The following VEZT variants were observed in gnomAD, a reference collection of about 807,000 sequenced individuals.
VEZT encodes the protein vezatin, adherens junctions transmembrane protein, also known as vezatin.
In VEZT, 39 loss-of-function variants were observed where a neutral mutation model predicts 79.9. The observed-to-expected ratio is 0.49, with a 90% CI of 0.38 to 0.64. VEZT has a LOEUF of 0.64. Ranked by LOEUF, VEZT falls within the 30% of genes least tolerant of loss-of-function variation. The pLI is 0.00. For missense variants in VEZT, 837 were observed against 893.1 expected (o/e 0.94, Z 0.80); for synonymous variants, 325 against 327.6 (o/e 0.99, Z 0.09).
chr12:95,232,336 A>C (rs1358884633), intron 1 of VEZT, among the ~76,000 whole-genome samples: 2 of 152,244 alleles, frequency 1.3e-5, no homozygotes, highest in East Asian at 3.8e-4. Flanking sequence ...TATGTAATTT[A>C]CATGGTAGTA....
chr12:95,264,321 A>G (rs1368400532), intron 4 of VEZT, among the ~76,000 whole-genome samples: 1 of 152,246 alleles, frequency 6.6e-6, no homozygotes, highest in Non-Finnish European at 1.5e-5. Flanking sequence ...TATGAGACCT[A>G]TAAATGATTT....
At chr12:95,261,834 T>C (rs1283891981) in intron 3 of VEZT, among the ~76,000 whole-genome samples, 2 of 152,232 alleles carry the variant, frequency 1.3e-5, no homozygotes, top group Non-Finnish European at 2.9e-5. Context: ...AGTTACTTAA[T>C]CTCTTTGGGC....
intron 10 of VEZT, 22 bp from the exon 11 acceptor site, chr12:95,296,028 CT>C: frequency 6.7e-7 from 1 of 1,492,154 alleles, no homozygotes; most frequent in Middle Eastern, 2.1e-4. Flanking sequence ...AAGTAAAGTG[CT>C]TTTTCTTCTA....
intron 1 of VEZT, among the ~76,000 whole-genome samples, chr12:95,236,041 A>C (rs1416300693): frequency 1.3e-5 from 2 of 152,120 alleles, no homozygotes; most frequent in Non-Finnish European, 2.9e-5. Context: ...CAGAGGCTGC[A>C]ATCTCGGCAC....
At chr12:95,245,888 A>C (rs909559772) in intron 1 of VEZT, among the ~76,000 whole-genome samples, 1 of 152,174 alleles carries the variant, frequency 6.6e-6, no homozygotes, top group Non-Finnish European at 1.5e-5. Flanking sequence ...CTGAGGTGGG[A>C]AGATTGCTTG....
At chr12:95,279,146 G>C (rs2068446444) in intron 7 of VEZT, among the ~76,000 whole-genome samples, 1 of 152,256 alleles carries the variant, frequency 6.6e-6, no homozygotes, top group Non-Finnish European at 1.5e-5. Context: ...TTTGGATTTT[G>C]GATTTTTTCA....
chr12:95,260,044 G>C (rs1387534757), intron 3 of VEZT, among the ~76,000 whole-genome samples: 10 of 149,608 alleles, frequency 6.7e-5, no homozygotes, highest in Non-Finnish European at 1.2e-4. Flanking sequence ...GAGTGTCTTG[G>C]TGCCTTTCAA....
intron 8 of VEZT, 45 bp from the exon 9 acceptor site, chr12:95,287,619 A>C: frequency 7.1e-7 from 1 of 1,403,978 alleles, no homozygotes. Flanking sequence ...TAAATTTTTC[A>C]TTTCATATTA....
At chr12:95,262,216 G>C (rs553978394) in intron 3 of VEZT, 1 of 152,152 alleles carries the variant, frequency 6.6e-6, no homozygotes, top group African/African-American at 2.4e-5. Context: ...ATGTTATATT[G>C]CAACTGTTTA....
chr12:95,249,847 T>C (rs780991928), intron 1 of VEZT, among the ~76,000 whole-genome samples: 1 of 152,124 alleles, frequency 6.6e-6, no homozygotes, highest in Admixed American at 6.5e-5. Context: ...TAGAGTATAA[T>C]CCTGCTTTTT....
chr12:95,251,886 A>G (rs770275255), intron 1 of VEZT, 54 bp from the exon 2 acceptor site: 1 of 1,568,098 alleles, frequency 6.4e-7, no homozygotes, highest in African/African-American at 1.4e-5. Context: ...TGGCCCCCGA[A>G]ACTTTTGAAG....
chr12:95,225,598 C>T (rs1454842367), intron 1 of VEZT, among the ~76,000 whole-genome samples: 1 of 151,578 alleles, frequency 6.6e-6, no homozygotes, highest in Non-Finnish European at 1.5e-5. Flanking sequence ...AAGCCATCAC[C>T]ACATCTGCCT....
intron 8 of VEZT, among the ~76,000 whole-genome samples, chr12:95,283,814 G>GA (rs1242934952): frequency 6.6e-6 from 1 of 152,170 alleles, no homozygotes; most frequent in Non-Finnish European, 1.5e-5. Context: ...GCTGTTCTAA[G>GA]AAAGCAGGTA....
At position 95,293,547 on chromosome 12, in the gene VEZT, G is replaced by A. The variant is rs558584798; in HGVS notation, c.1523-725G>A. 6.6e-5 allele frequency: 10 copies of A among 152,282 alleles called. No homozygotes were observed. In the South Asian group the frequency reaches 2.1e-3, roughly 32 times the overall value. The allele number at this position is 152,282 out of a possible 1,614,324, so 9.4% of individuals were successfully genotyped here. A position where few individuals can be genotyped will look rare whatever the true frequency, so the allele number is the denominator to read the frequency against. On this transcript the variant is annotated intron_variant, in intron 9 of 11. Coordinates refer to ENST00000436874, the MANE Select transcript of VEZT (RefSeq NM_017599.4). ...TGATCTTTAAAAGATATTTCCTTGTGAATTCATTTCCAATTCCAACCTCTG... is the reference window on the plus strand; with the variant it reads ...TGATCTTTAAAAGATATTTCCTTGTAAATTCATTTCCAATTCCAACCTCTG...
rs542617234 is a variant in VEZT at position 95,235,879 on chromosome 12, G to A, written c.37-16061G>A. On this transcript the variant is annotated intron_variant, in intron 1 of 11. Transcript: ENST00000436874. Reference sequence around the variant, plus strand: ...CCAGACGGGGTGGCAGGGCAGAGGCGCTCCCCACATCTCAGACGATGGGCA... The same window carrying A: ...CCAGACGGGGTGGCAGGGCAGAGGCACTCCCCACATCTCAGACGATGGGCA... 9.5e-3 allele frequency among the ~76,000 whole-genome samples: 1,435 copies of A among 151,424 alleles called. 30 individuals are homozygous for A. The highest frequency in any genetic ancestry group is 0.033 in the African/African-American group (1,373 of 41,190).
At chr12:95,228,328 G>C (rs2136727278) in intron 1 of VEZT, among the ~76,000 whole-genome samples, 1 of 152,194 alleles carries the variant, frequency 6.6e-6, no homozygotes, top group Non-Finnish European at 1.5e-5. Context: ...TGAGGAACAT[G>C]AAGGTACTTT....
chr12:95,258,051 C>G (rs2063744818), intron 3 of VEZT, among the ~76,000 whole-genome samples: 2 of 152,142 alleles, frequency 1.3e-5, no homozygotes, highest in African/African-American at 4.8e-5. Context: ...TCTCTTGGTT[C>G]CAAAGCCATG....
rs200452809 is a variant in VEZT, at chr12:95,287,763, G to T, written c.1428G>T (p.Lys476Asn). 1.3e-4 allele frequency: 201 copies of T among 1,607,120 alleles called. No homozygotes were observed. The highest frequency in any genetic ancestry group is 1.6e-4 in the Non-Finnish European group (190 of 1,176,576). The change falls in exon 9 of 12, where the codon AAG (lysine) becomes AAT (asparagine). Residue 476 changes from lysine to asparagine, a missense_variant. Lys to Asn is a moderately conservative substitution (Grantham distance 94, BLOSUM62 0). Transcript: ENST00000436874. ...EAYPILEQKL[K>N]LIQPHVQASN... ...ATCCCATCCTAGAACAGAAATTAAA[G>T]TTGATTCAGCCCCACGTTCAAGCAA...
chr12:95,233,818 G>T (rs2059615198), intron 1 of VEZT, among the ~76,000 whole-genome samples: 1 of 152,042 alleles, frequency 6.6e-6, no homozygotes. Flanking sequence ...ATTCCATTTT[G>T]TGGGTTTTTT....
Sources: gnomAD v4.1 joint callset for allele counts (sites outside exome capture counted in the v4.1 genomes callset) on GRCh38, gnomAD v4.1.1 for gene constraint, MANE v1.5 for transcripts, NCBI Gene and HGNC (gene_info 2026-07-23, HGNC 2026-07-21) for gene names.